BRINP3: variants seen among roughly 807,000 people sequenced by gnomAD.
BRINP3 encodes the protein BMP/retinoic acid inducible neural specific 3.
In BRINP3, 19 loss-of-function variants were observed where a neutral mutation model predicts 71.0. The observed-to-expected ratio is 0.27, with a 90% CI of 0.19 to 0.39. The LOEUF (loss-of-function observed/expected upper bound fraction) is 0.39. BRINP3 is among the 10% of genes least tolerant of loss of function. BRINP3 has a pLI of 1.00. For synonymous variants in BRINP3, 380 were observed against 337.7 expected, an observed-to-expected ratio of 1.13 and a Z score of -1.37; for missense variants, 959 against 940.8, an observed-to-expected ratio of 1.02 and a Z score of -0.25.
At position 190,226,094 on chromosome 1, in the gene BRINP3, A is replaced by G. The variant is rs748399068; in HGVS notation, c.949T>C (p.Phe317Leu). 3.8e-6 allele frequency: 6 copies of G among 1,587,202 alleles called. No homozygotes were observed. The highest frequency in any genetic ancestry group is 5.2e-6 in the Non-Finnish European group (6 of 1,164,628). Residue 317 changes from phenylalanine (F) to leucine (L), a missense_variant, in exon 6 of 8, where the codon TTT (phenylalanine) becomes CTT (leucine). Transcript: ENST00000367462. ...TETWKAYNSD[F>L]EESDEFKLFM... ...ATACATGTCTTACCTGATTCCTCAA[A>G]GTCACTGTTGTAAGCTTTCCAGGTT... is the stretch of plus-strand genomic sequence containing the variant.
chr1:190,328,482 A>T (rs1385884379), intron 2 of BRINP3, among the ~76,000 whole-genome samples: 1 of 152,082 alleles, frequency 6.6e-6, no homozygotes, highest in Non-Finnish European at 1.5e-5. Flanking sequence ...CCAGGATTAA[A>T]TCAGAAAAGA....
At chr1:190,467,858 C>T (rs984353969) in intron 1 of BRINP3, among the ~76,000 whole-genome samples, 2 of 151,310 alleles carry the variant, frequency 1.3e-5, no homozygotes, top group Admixed American at 1.3e-4. Flanking sequence ...TTTTTGATAA[C>T]AGTCTTTACA....
At chr1:190,430,075 T>G (rs1439984110) in intron 2 of BRINP3, among the ~76,000 whole-genome samples, 1 of 152,158 alleles carries the variant, frequency 6.6e-6, no homozygotes, top group Non-Finnish European at 1.5e-5. Context: ...TAAGAAAAAC[T>G]TGTTCACTTT....
In BRINP3 at chr1:190,386,118, A is replaced by T. The variant is rs551594701; in HGVS notation, c.236+68537T>A. Reference sequence around the variant, plus strand: ...GGGGGGAGGGATAGCATTGGGAGATATACATAATGCTAGATGACGAGTTAG... The same window carrying T: ...GGGGGGAGGGATAGCATTGGGAGATTTACATAATGCTAGATGACGAGTTAG... On this transcript the variant is annotated intron_variant, in intron 2 of 7. Coordinates refer to ENST00000367462, the MANE Select transcript of BRINP3 (RefSeq NM_199051.3). 5.3e-3 allele frequency among the ~76,000 whole-genome samples: 778 copies of T among 145,962 alleles called. 13 individuals carry two copies. Among genetic ancestry groups the T allele is most frequent in the African/African-American group, 0.018 (728 of 39,384 alleles).
chr1:190,255,981 T>G (rs1317431014), intron 4 of BRINP3, among the ~76,000 whole-genome samples: 1 of 152,216 alleles, frequency 6.6e-6, no homozygotes, highest in Non-Finnish European at 1.5e-5. Flanking sequence ...TTGTTCTCAT[T>G]GGTTTCAAAT....
At chr1:190,213,707 C>T (rs887357975) in intron 6 of BRINP3, among the ~76,000 whole-genome samples, 3 of 151,848 alleles carry the variant, frequency 2.0e-5, no homozygotes, top group African/African-American at 7.2e-5. Flanking sequence ...AAAAGACTCT[C>T]CATTGAACTC....
intron 7 of BRINP3, among the ~76,000 whole-genome samples, chr1:190,137,732 A>G (rs2102375996): frequency 6.6e-6 from 1 of 152,310 alleles, no homozygotes; most frequent in Non-Finnish European, 1.5e-5. Flanking sequence ...AGTGAAAGCC[A>G]TTCTTCAATG....
chr1:190,156,340 G>GA (rs1656860923), intron 7 of BRINP3, among the ~76,000 whole-genome samples: 1 of 151,916 alleles, frequency 6.6e-6, no homozygotes, highest in South Asian at 2.1e-4. Context: ...AAGTTCAAGG[G>GA]AATGACTGAG....
chr1:190,145,947 C>G (rs1159753524), intron 7 of BRINP3, among the ~76,000 whole-genome samples: 1 of 152,076 alleles, frequency 6.6e-6, no homozygotes, highest in Admixed American at 6.6e-5. Context: ...TGAAGTTGCT[C>G]AGGAATGGAA....
chr1:190,114,632 T>C (rs900426322), intron 7 of BRINP3, among the ~76,000 whole-genome samples: 9 of 151,896 alleles, frequency 5.9e-5, no homozygotes, highest in African/African-American at 2.2e-4. Context: ...AGTAGGATCA[T>C]ATCACGGCTC....
chr1:190,266,113 G>T (rs1661639928), intron 3 of BRINP3, among the ~76,000 whole-genome samples: 1 of 152,164 alleles, frequency 6.6e-6, no homozygotes, highest in African/African-American at 2.4e-5. Flanking sequence ...CATATTATCG[G>T]ATACTCATCT....
chr1:190,279,700 A>T (rs980909830), intron 3 of BRINP3, among the ~76,000 whole-genome samples: 3 of 151,424 alleles, frequency 2.0e-5, no homozygotes, highest in African/African-American at 7.3e-5. Context: ...TCAGGCATCC[A>T]CTCCTTTTTC....
At chr1:190,279,295 C>A (rs1488773518) in intron 3 of BRINP3, among the ~76,000 whole-genome samples, 1 of 151,752 alleles carries the variant, frequency 6.6e-6, no homozygotes, top group Non-Finnish European at 1.5e-5. Context: ...TGGCTATCTA[C>A]ACTAACATAA....
intron 4 of BRINP3, among the ~76,000 whole-genome samples, chr1:190,244,666 A>G (rs924150543): frequency 6.6e-6 from 1 of 152,094 alleles, no homozygotes; most frequent in Non-Finnish European, 1.5e-5. Flanking sequence ...TCTTTCCATA[A>G]GATTCTCTGC....
intron 2 of BRINP3, among the ~76,000 whole-genome samples, chr1:190,299,445 T>G (rs1351927835): frequency 6.6e-6 from 1 of 151,552 alleles, no homozygotes; most frequent in Non-Finnish European, 1.5e-5. Context: ...TATTTATTAT[T>G]ATTATACTTT....
At chr1:190,327,399 G>T (rs1273944766) in intron 2 of BRINP3, among the ~76,000 whole-genome samples, 2 of 132,202 alleles carry the variant, frequency 1.5e-5, no homozygotes, top group African/African-American at 5.6e-5. Flanking sequence ...CAATCTGTCT[G>T]CTGTATTCAA....
chr1:190,121,642 A>T (rs1044174448), intron 7 of BRINP3, among the ~76,000 whole-genome samples: 1 of 152,208 alleles, frequency 6.6e-6, no homozygotes, highest in East Asian at 1.9e-4. Flanking sequence ...ACCTTGCATA[A>T]GCATTAATAT....
chr1:190,195,153 T>C (rs1460598572), intron 6 of BRINP3, among the ~76,000 whole-genome samples: 1 of 151,986 alleles, frequency 6.6e-6, no homozygotes, highest in Admixed American at 6.6e-5. Context: ...AGTAAATATA[T>C]CTATGCCATC....
rs139122624 is a variant in BRINP3 at position 190,285,734 on chromosome 1, T to C, written c.237-3984A>G. On this transcript the variant is annotated intron_variant, in intron 2 of 7. Coordinates refer to ENST00000367462, the MANE Select transcript of BRINP3 (RefSeq NM_199051.3). Reference sequence around the variant, plus strand: ...AAGGGGTGAGGGTTTGTTTTTTTTTTCCTTGTTTCCTGAAGACAAGATTCA... The same window carrying C: ...AAGGGGTGAGGGTTTGTTTTTTTTTCCCTTGTTTCCTGAAGACAAGATTCA... 6.3e-4 allele frequency among the ~76,000 whole-genome samples: 96 copies of C among 152,088 alleles called. No homozygotes were observed. The East Asian group carries it at 0.016, about 26-fold the overall frequency.
Sources: allele counts gnomAD v4.1 joint callset (sites outside exome capture counted in the v4.1 genomes callset), GRCh38; gene constraint gnomAD v4.1.1; transcripts MANE v1.5; gene names NCBI Gene and HGNC (gene_info 2026-07-23, HGNC 2026-07-21).